MAGI2: variants seen among roughly 807,000 people sequenced by gnomAD.
MAGI2 encodes membrane associated guanylate kinase, WW and PDZ domain containing 2, also known as membrane-associated guanylate kinase, WW and PDZ domain-containing protein 2.
Under a neutral mutation model 133.3 loss-of-function variants are expected in MAGI2, and 35 were observed. That is an observed-to-expected ratio of 0.26 (90% CI 0.20 to 0.35). The LOEUF (loss-of-function observed/expected upper bound fraction) is 0.35, where lower values mean the gene tolerates loss of function less well. Among genes scored for constraint, MAGI2 ranks in the 10% least tolerant of loss-of-function variants. MAGI2 has a pLI of 1.00. For synonymous variants in MAGI2, 729 were observed against 710.6 expected (o/e 1.03, Z -0.41); for missense variants, 1,636 against 1,863.4 (o/e 0.88, Z 2.25).
rs1315700498 is a variant in MAGI2 at position 78,019,662 on chromosome 7, C to T, written c.4021G>A (p.Gly1341Ser). ...GCCCTGGCCTCCGAGGCGGGCCTGC[C>T]GGCCTCGGGCCGCCCCTGGCCGCCG... Reference protein sequence around the residue: ...APGGQGRPEAGRPASEARAPG... With the variant: ...APGGQGRPEASRPASEARAPG... The change falls in exon 22 of 22, where the codon GGC (glycine) becomes AGC (serine). Residue 1341 changes from glycine to serine, a missense_variant. By Grantham distance (56) the Gly-to-Ser change is moderately conservative. Coordinates refer to ENST00000354212, the MANE Select transcript of MAGI2 (RefSeq NM_012301.4). 3 of 1,253,440 alleles carry T rather than the reference C, an allele frequency of 2.4e-6. No homozygotes were observed. The highest frequency in any genetic ancestry group is 1.6e-5 in the African/African-American group (1 of 62,248). The allele number at this position is 1,253,440 out of a possible 1,614,324, so 77.6% of individuals were successfully genotyped here.
intron 3 of MAGI2, among the ~76,000 whole-genome samples, chr7:78,567,733 G>A (rs895607262): frequency 1.3e-5 from 2 of 151,836 alleles, no homozygotes; most frequent in Non-Finnish European, 2.9e-5. Flanking sequence ...ATATACATAC[G>A]CTAGAATATC....
At chr7:78,349,228 G>A (rs1484513208) in intron 7 of MAGI2, among the ~76,000 whole-genome samples, 1 of 152,180 alleles carries the variant, frequency 6.6e-6, no homozygotes, top group Non-Finnish European at 1.5e-5. Context: ...ATCTAATACA[G>A]TGAATGGAAA....
intron 9 of MAGI2, among the ~76,000 whole-genome samples, chr7:78,284,582 ATATATTC>A (rs1262165196): frequency 6.6e-6 from 1 of 151,596 alleles, no homozygotes; most frequent in East Asian, 1.9e-4. Context: ...CATTCCCTTT[ATATATTC>A]TAGTGGATTC....
intron 6 of MAGI2, among the ~76,000 whole-genome samples, chr7:78,402,229 T>G (rs1451979950): frequency 1.3e-5 from 2 of 151,842 alleles, no homozygotes; most frequent in Admixed American, 6.6e-5. Flanking sequence ...ACCTGAGGTG[T>G]GTATGTGTGT....
intron 1 of MAGI2, among the ~76,000 whole-genome samples, chr7:79,102,753 A>G (rs1818094611): frequency 1.3e-5 from 2 of 152,226 alleles, no homozygotes; most frequent in South Asian, 2.1e-4. Context: ...TTAGAAAGAA[A>G]GAGAGAAAAG....
At chr7:78,694,280 A>C (rs1210971713) in intron 2 of MAGI2, among the ~76,000 whole-genome samples, 1 of 152,162 alleles carries the variant, frequency 6.6e-6, no homozygotes, top group Non-Finnish European at 1.5e-5. Context: ...TTTTCAGCCA[A>C]ATTATACACC....
intron 7 of MAGI2, among the ~76,000 whole-genome samples, chr7:78,348,999 C>T (rs1411570782): frequency 1.3e-5 from 2 of 152,114 alleles, no homozygotes; most frequent in Admixed American, 6.5e-5. Context: ...CATAGTATTC[C>T]TAAGTCTTAT....
At chr7:79,173,854 A>G (rs986234268) in intron 1 of MAGI2, among the ~76,000 whole-genome samples, 3 of 152,086 alleles carry the variant, frequency 2.0e-5, no homozygotes, top group African/African-American at 7.2e-5. Flanking sequence ...CTTAACATAT[A>G]CCAGAATATC....
intron 1 of MAGI2, among the ~76,000 whole-genome samples, chr7:79,269,196 T>C (rs933549900): frequency 2.0e-5 from 3 of 152,314 alleles, no homozygotes; most frequent in Middle Eastern, 3.4e-3. Context: ...ATTGAAGTCC[T>C]ACCAAGATAG....
At chr7:78,765,090 A>G (rs1206760955) in intron 2 of MAGI2, among the ~76,000 whole-genome samples, 1 of 152,190 alleles carries the variant, frequency 6.6e-6, no homozygotes, top group Non-Finnish European at 1.5e-5. Context: ...TGATATGGGT[A>G]GTAAATTTCT....
intron 1 of MAGI2, among the ~76,000 whole-genome samples, chr7:79,051,895 A>ACT (rs892858526): frequency 2.0e-5 from 3 of 150,608 alleles, no homozygotes; most frequent in Non-Finnish European, 3.0e-5. Flanking sequence ...TTGGAGCCTC[A>ACT]CTCTCTCTCT....
chr7:78,590,110 G>A (rs1245123203), intron 3 of MAGI2, among the ~76,000 whole-genome samples: 1 of 152,168 alleles, frequency 6.6e-6, no homozygotes, highest in African/African-American at 2.4e-5. Flanking sequence ...TCTTTCTTAG[G>A]GAGAGGCAGA....
chr7:79,254,703 T>A (rs1034674181), intron 1 of MAGI2, among the ~76,000 whole-genome samples: 3 of 152,224 alleles, frequency 2.0e-5, no homozygotes, highest in African/African-American at 7.2e-5. Flanking sequence ...AATCTTCTAC[T>A]TTTGTACCAA....
chr7:79,194,968 C>G (rs1016153023), intron 1 of MAGI2, among the ~76,000 whole-genome samples: 2 of 151,870 alleles, frequency 1.3e-5, no homozygotes, highest in Admixed American at 1.3e-4. Context: ...GAAAGACATG[C>G]CCAAAGTTCA....
intron 6 of MAGI2, among the ~76,000 whole-genome samples, chr7:78,396,922 C>T (rs551368007): frequency 1.3e-5 from 2 of 152,112 alleles, no homozygotes; most frequent in East Asian, 3.9e-4. Context: ...CTAAATAAAT[C>T]ATGCATATTT....
intron 2 of MAGI2, among the ~76,000 whole-genome samples, chr7:78,781,380 C>CAAAAAA (rs748533885): frequency 2.0e-4 from 20 of 100,952 alleles, no homozygotes; most frequent in Admixed American, 4.6e-4. Flanking sequence ...CTCCGTCTCA[C>CAAAAAA]AAAAAAAAAA....
At chr7:78,093,136 CAAAAAAAAAAAAAAA>C (rs1157039018) in intron 20 of MAGI2, among the ~76,000 whole-genome samples, 1 of 32,322 alleles carries the variant, frequency 3.1e-5, no homozygotes, top group Non-Finnish European at 5.0e-5. Flanking sequence ...ACTCCTTCTC[CAAAAAAAAAAAAAAA>C]AAAAAAAAAA....
At chr7:79,200,140 A>G (rs1420897659) in intron 1 of MAGI2, among the ~76,000 whole-genome samples, 1 of 151,908 alleles carries the variant, frequency 6.6e-6, no homozygotes, top group Non-Finnish European at 1.5e-5. Context: ...CTAGATTCAG[A>G]CAAGTGGTTT....
At chr7:78,716,159 C>G (rs1416138043) in intron 2 of MAGI2, among the ~76,000 whole-genome samples, 1 of 152,180 alleles carries the variant, frequency 6.6e-6, no homozygotes, top group African/African-American at 2.4e-5. Context: ...CTGAAGTTTT[C>G]AAGGAATTTC....
Sources: gnomAD v4.1 joint callset for allele counts (sites outside exome capture counted in the v4.1 genomes callset) on GRCh38, gnomAD v4.1.1 for gene constraint, MANE v1.5 for transcripts, NCBI Gene and HGNC (gene_info 2026-07-23, HGNC 2026-07-21) for gene names.